Variants in GABRA1 observed in about 807,000 individuals in gnomAD.
GABRA1 encodes the protein gamma-aminobutyric acid type A receptor subunit alpha1, also known as gamma-aminobutyric acid receptor subunit alpha-1.
Under a neutral mutation model 48.9 loss-of-function variants are expected in GABRA1, and 9 were observed. The observed-to-expected ratio is 0.18, with a 90% confidence interval of 0.11 to 0.32. GABRA1 has a LOEUF of 0.32. Among genes scored for constraint, GABRA1 ranks in the 10% least tolerant of loss-of-function variants. GABRA1 has a pLI of 1.00. For missense variants in GABRA1, 285 were observed against 553.8 expected (o/e 0.51, Z 4.87); for synonymous variants, 210 against 198.7 (o/e 1.06, Z -0.48).
At chr5:161,854,112 A>G (rs1757551236) in intron 2 of GABRA1, 46 bp from the exon 3 acceptor site, 1 of 956,276 alleles carries the variant, frequency 1.0e-6, no homozygotes, top group South Asian at 1.4e-5. Context: ...AGGTTTTAGT[A>G]GAAATGTATA....
chr5:161,869,054 C>T (rs984666959), intron 4 of GABRA1, among the ~76,000 whole-genome samples: 1 of 152,048 alleles, frequency 6.6e-6, no homozygotes, highest in Non-Finnish European at 1.5e-5. Flanking sequence ...TGTATCTGAC[C>T]ACCTTGCTTT....
At chr5:161,852,392 C>A (rs1757480542) in intron 2 of GABRA1, among the ~76,000 whole-genome samples, 1 of 151,846 alleles carries the variant, frequency 6.6e-6, no homozygotes, top group Non-Finnish European at 1.5e-5. Context: ...TCTTTTATTT[C>A]TTCTTATTGT....
intron 8 of GABRA1, among the ~76,000 whole-genome samples, chr5:161,893,011 ATAAT>A (rs1223925225): frequency 8.9e-5 from 9 of 100,922 alleles, no homozygotes; most frequent in African/African-American, 2.5e-4. Context: ...TCTCAAAAAA[ATAAT>A]AATAATAATA....
intron 7 of GABRA1, among the ~76,000 whole-genome samples, chr5:161,884,839 A>T (rs773783606): frequency 4.6e-5 from 7 of 152,158 alleles, no homozygotes; most frequent in Non-Finnish European, 1.0e-4. Context: ...TGTTACTATA[A>T]CCCTCTTATG....
At chr5:161,896,552 C>T (rs553920744) in intron 9 of GABRA1, among the ~76,000 whole-genome samples, 109 of 152,094 alleles carry the variant, frequency 7.2e-4, no homozygotes, top group Middle Eastern at 3.4e-3. Context: ...GAAGAACAAG[C>T]GTGACAAAAT....
At chr5:161,875,318 C>T (rs1056671487) in intron 5 of GABRA1, among the ~76,000 whole-genome samples, 1 of 152,128 alleles carries the variant, frequency 6.6e-6, no homozygotes, top group South Asian at 2.1e-4. Flanking sequence ...ATTAACAAGG[C>T]TTGCCCATTG....
chr5:161,874,794 A>G (rs1754273131), intron 5 of GABRA1, among the ~76,000 whole-genome samples: 1 of 152,156 alleles, frequency 6.6e-6, no homozygotes. Context: ...GCTTGCTAAA[A>G]ATCATATGAA....
chr5:161,865,057 T>G (rs190566803), intron 3 of GABRA1, among the ~76,000 whole-genome samples: 4 of 152,186 alleles, frequency 2.6e-5, no homozygotes, highest in African/African-American at 9.6e-5. Context: ...TTAATATGCT[T>G]TATTGGTTGA....
intron 8 of GABRA1, among the ~76,000 whole-genome samples, chr5:161,894,668 A>T (rs1173619913): frequency 6.6e-6 from 1 of 151,922 alleles, no homozygotes; most frequent in Non-Finnish European, 1.5e-5. Flanking sequence ...TTTTTTTAAC[A>T]TTTTTATATG....
rs759332768 is a variant in GABRA1, at chr5:161,865,876, C to A, written c.255+88C>A. ...AAATATAAACTAAGTTCTTAGGGAG[C>A]AACCTGAAAAGTCTTGGCTATACTT... On this transcript the variant is annotated intron_variant, in intron 4 of 9. Coordinates refer to ENST00000393943, the MANE Select transcript of GABRA1 (RefSeq NM_001127644.2). 1.0e-5 allele frequency: 11 copies of A among 1,067,818 alleles called. No homozygotes were observed. The African/African-American group carries it at 1.1e-4, about 11-fold the overall frequency. The allele number at this position is 1,067,818 out of a possible 1,614,324, so 66.1% of individuals were successfully genotyped here.
At chr5:161,854,448 A>G (rs1352738611) in intron 3 of GABRA1, among the ~76,000 whole-genome samples, 178 bp downstream of exon 3, 2 of 151,724 alleles carry the variant, frequency 1.3e-5, no homozygotes, top group Non-Finnish European at 3.0e-5. Flanking sequence ...TCATATCCAT[A>G]CGTAGTAAAA....
chr5:161,873,478 A>G, intron 5 of GABRA1, 141 bp downstream of exon 5: 1 of 742,262 alleles, frequency 1.3e-6, no homozygotes, highest in South Asian at 1.5e-5. Flanking sequence ...AATCTCTCCA[A>G]CCTGTTCTAA....
chr5:161,861,497 A>T (rs1306090038), intron 3 of GABRA1, among the ~76,000 whole-genome samples: 1 of 151,884 alleles, frequency 6.6e-6, no homozygotes, highest in Non-Finnish European at 1.5e-5. Flanking sequence ...TTCCTAGGAC[A>T]TGCTTGTATC....
intron 7 of GABRA1, among the ~76,000 whole-genome samples, chr5:161,885,364 C>T (rs1754797886): frequency 6.6e-6 from 1 of 152,038 alleles, no homozygotes; most frequent in Non-Finnish European, 1.5e-5. Context: ...AGTACCATTA[C>T]CTTCCTGTTT....
At chr5:161,879,685 T>C (rs1025642914) in intron 6 of GABRA1, among the ~76,000 whole-genome samples, 1 of 152,164 alleles carries the variant, frequency 6.6e-6, no homozygotes, top group African/African-American at 2.4e-5. Flanking sequence ...CCCTTCATTT[T>C]GGAAGATTCT....
At chr5:161,859,318 CT>C (rs749602486) in intron 3 of GABRA1, among the ~76,000 whole-genome samples, 1 of 151,558 alleles carries the variant, frequency 6.6e-6, no homozygotes, top group Non-Finnish European at 1.5e-5. Context: ...TAAGACTAAC[CT>C]TTAGCCTAAT....
At chr5:161,895,999 A>G (rs748819166) in intron 9 of GABRA1, 131 bp downstream of exon 9, 11 of 788,774 alleles carry the variant, frequency 1.4e-5, no homozygotes, top group Non-Finnish European at 2.2e-5. Context: ...TTATGTCGTA[A>G]ACAATTAAGT....
rs996721955 is a variant in GABRA1, at chr5:161,872,942, A to C, written c.256-175A>C. ...TTTTTTTTAAAAAATCATTACACCA[A>C]CCAGTGATTCTCCTGACATCAACAT... On this transcript the variant is annotated intron_variant, in intron 4 of 9. Transcript: ENST00000393943. 4.8e-5 allele frequency: 30 copies of C among 627,108 alleles called. No individual in the cohort carries two copies. In the African/African-American group the frequency reaches 5.5e-4, roughly 12 times the overall value. The allele number at this position is 627,108 out of a possible 1,614,324, so 38.8% of individuals were successfully genotyped here.
chr5:161,884,155 C>A (rs1372254025), intron 7 of GABRA1, among the ~76,000 whole-genome samples: 1 of 152,124 alleles, frequency 6.6e-6, no homozygotes, highest in Non-Finnish European at 1.5e-5. Context: ...TAAGTAAGAG[C>A]TGTTGCTATG....
Sources: gnomAD v4.1 joint callset for allele counts (sites outside exome capture counted in the v4.1 genomes callset) on GRCh38, gnomAD v4.1.1 for gene constraint, MANE v1.5 for transcripts, NCBI Gene and HGNC (gene_info 2026-07-23, HGNC 2026-07-21) for gene names.